The following NELL1 variants were observed in gnomAD, a reference collection of about 807,000 sequenced individuals.
NELL1 encodes the protein neural EGFL like 1.
NELL1 carries 76 observed loss-of-function variants against 107.4 expected under a neutral mutation model. That is an observed-to-expected ratio of 0.71 (90% confidence interval 0.59 to 0.86). The LOEUF (loss-of-function observed/expected upper bound fraction) is 0.86. Ranked by LOEUF, NELL1 falls within the 40% of genes least tolerant of loss-of-function variation. The pLI, the probability that NELL1 is intolerant of heterozygous loss-of-function variation, is 0.00. For synonymous variants in NELL1, 353 were observed against 341.2 expected (o/e 1.03, Z -0.38); for missense variants, 1,024 against 1,005.5 (o/e 1.02, Z -0.25).
chr11:21,182,925 ATACT>A (rs1856859189), intron 13 of NELL1, among the ~76,000 whole-genome samples: 1 of 151,862 alleles, frequency 6.6e-6, no homozygotes, highest in South Asian at 2.1e-4. Context: ...TGCTAGGATG[ATACT>A]TACAAGAAGA....
At chr11:20,691,641 A>G (rs1042179410) in intron 2 of NELL1, among the ~76,000 whole-genome samples, 22 of 152,078 alleles carry the variant, frequency 1.4e-4, no homozygotes, top group Non-Finnish European at 2.6e-4. Context: ...AGCCAACTTG[A>G]TCATGGTGGA....
intron 3 of NELL1, among the ~76,000 whole-genome samples, chr11:20,815,450 G>A (rs776372624): frequency 5.3e-5 from 8 of 152,066 alleles, no homozygotes; most frequent in African/African-American, 1.4e-4. Context: ...TTGGCCACTC[G>A]CATGTCTTCT....
At chr11:21,503,104 C>T (rs1204507080) in intron 15 of NELL1, among the ~76,000 whole-genome samples, 1 of 152,206 alleles carries the variant, frequency 6.6e-6, no homozygotes, top group African/African-American at 2.4e-5. Context: ...TGGTCTCGAA[C>T]TCCTGACCTC....
At chr11:21,472,005 A>C (rs1854195013) in intron 15 of NELL1, among the ~76,000 whole-genome samples, 1 of 152,064 alleles carries the variant, frequency 6.6e-6, no homozygotes, top group Non-Finnish European at 1.5e-5. Flanking sequence ...GTTTCTGAAG[A>C]TCATGAAGTT....
chr11:21,007,183 C>T (rs1429070826), intron 12 of NELL1, among the ~76,000 whole-genome samples: 2 of 152,138 alleles, frequency 1.3e-5, no homozygotes, highest in African/African-American at 4.8e-5. Flanking sequence ...CTGCACCTCA[C>T]ATCTTTCCCT....
In NELL1 at chr11:21,497,611, G is replaced by A. The variant is rs181231076; in HGVS notation, c.1646-36763G>A. 1.1e-3 allele frequency among the ~76,000 whole-genome samples: 165 copies of A among 151,994 alleles called. No individual in the cohort carries two copies. In the East Asian group the frequency reaches 0.028, roughly 25 times the overall value. ...TTTAATATTTTGTTTGTGAGCAAAG[G>A]CAGGATCACTTTCATACCCCTCAAA... On this transcript the variant is annotated intron_variant, in intron 15 of 19. Coordinates refer to ENST00000357134, the MANE Select transcript of NELL1 (RefSeq NM_006157.5).
chr11:20,773,235 C>T (rs1315519235), intron 2 of NELL1, among the ~76,000 whole-genome samples: 1 of 152,182 alleles, frequency 6.6e-6, no homozygotes, highest in African/African-American at 2.4e-5. Context: ...ATGGTGGCTG[C>T]TGCCATAGCT....
chr11:21,327,332 A>G (rs553979412), intron 14 of NELL1, among the ~76,000 whole-genome samples: 5 of 150,400 alleles, frequency 3.3e-5, no homozygotes, highest in Admixed American at 2.0e-4. Flanking sequence ...GTACCCTAAA[A>G]CTTAAAGTAT....
chr11:21,089,944 G>A (rs1393926733), intron 12 of NELL1, among the ~76,000 whole-genome samples: 1 of 152,130 alleles, frequency 6.6e-6, no homozygotes, highest in African/African-American at 2.4e-5. Context: ...GCTTTCGTAT[G>A]GTGCTTATTT....
intron 4 of NELL1, among the ~76,000 whole-genome samples, 192 bp from the exon 5 acceptor site, chr11:20,885,252 A>C (rs1849484440): frequency 6.6e-6 from 1 of 152,144 alleles, no homozygotes; most frequent in African/African-American, 2.4e-5. Flanking sequence ...AAGGGAGACA[A>C]AAGCAGGAGG....
chr11:21,181,840 T>A (rs745688106), intron 13 of NELL1, among the ~76,000 whole-genome samples: 1 of 151,904 alleles, frequency 6.6e-6, no homozygotes, highest in Non-Finnish European at 1.5e-5. Context: ...TTTCTACTAG[T>A]GTACTGAAGA....
At chr11:20,724,317 T>A (rs777053123) in intron 2 of NELL1, among the ~76,000 whole-genome samples, 10 of 152,232 alleles carry the variant, frequency 6.6e-5, no homozygotes, top group Non-Finnish European at 7.3e-5. Context: ...AGGCTGCAAA[T>A]TTTCCAAACT....
chr11:21,569,100 C>T (rs940048592), intron 17 of NELL1, among the ~76,000 whole-genome samples: 4 of 151,532 alleles, frequency 2.6e-5, no homozygotes, highest in Admixed American at 1.3e-4. Flanking sequence ...ATAATGGCTG[C>T]GATGTCACTA....
At chr11:20,980,139 C>G (rs1851720208) in intron 12 of NELL1, among the ~76,000 whole-genome samples, 1 of 152,018 alleles carries the variant, frequency 6.6e-6, no homozygotes, top group South Asian at 2.1e-4. Context: ...CTTTTATTGT[C>G]TGAATTTATC....
At chr11:21,020,855 T>C (rs1250709911) in intron 12 of NELL1, among the ~76,000 whole-genome samples, 1 of 151,914 alleles carries the variant, frequency 6.6e-6, no homozygotes, top group Non-Finnish European at 1.5e-5. Context: ...AAACAACCAC[T>C]AATCTTAAGA....
Position 21,271,690 on chromosome 11 carries a change from G to A in NELL1, c.1549+42236G>A, listed in dbSNP as rs572616304. Among the ~76,000 whole-genome samples the A allele has an allele frequency of 9.2e-5, 14 of 152,106 alleles. No homozygotes were observed. In the East Asian group the frequency reaches 1.4e-3, roughly 15 times the overall value. On this transcript the variant is annotated intron_variant, in intron 14 of 19. Transcript: ENST00000357134. The stretch of plus-strand genomic sequence containing the variant: ...TCACAAGAAAAGAAAACTATAGCCT[G>A]GTATTTCTCATGAACATAGATGCAA...
At chr11:21,326,735 C>T (rs150395018) in intron 14 of NELL1, among the ~76,000 whole-genome samples, 70 of 151,574 alleles carry the variant, frequency 4.6e-4, no homozygotes, top group Middle Eastern at 3.4e-3. Context: ...TAAATATTTT[C>T]ACTGATTATA....
chr11:21,129,706 T>C (rs1004940959), intron 13 of NELL1, among the ~76,000 whole-genome samples: 1 of 152,122 alleles, frequency 6.6e-6, no homozygotes, highest in South Asian at 2.1e-4. Context: ...CCTGGAGTAA[T>C]CAAATTCATA....
chr11:21,025,186 A>G (rs1304067398), intron 12 of NELL1, among the ~76,000 whole-genome samples: 1 of 152,066 alleles, frequency 6.6e-6, no homozygotes, highest in African/African-American at 2.4e-5. Flanking sequence ...TGCATCCATT[A>G]CAGGTGCTCA....
Sources: gnomAD v4.1 joint callset for allele counts (sites outside exome capture counted in the v4.1 genomes callset) on GRCh38, gnomAD v4.1.1 for gene constraint, MANE v1.5 for transcripts, NCBI Gene and HGNC (gene_info 2026-07-23, HGNC 2026-07-21) for gene names.